The following CNTRL variants were observed in gnomAD, a reference collection of about 807,000 sequenced individuals.
CNTRL encodes the protein 110 kDa centrosomal protein.
CNTRL carries 233 observed loss-of-function variants against 303.7 expected under a neutral mutation model. That is an observed-to-expected ratio of 0.77 (90% CI 0.69 to 0.86). The LOEUF (loss-of-function observed/expected upper bound fraction) is 0.86. Ranked by LOEUF, CNTRL falls within the 40% of genes least tolerant of loss-of-function variation. The pLI, the probability that CNTRL is intolerant of heterozygous loss-of-function variation, is 0.00. For synonymous variants in CNTRL, 900 were observed against 922.2 expected, an observed-to-expected ratio of 0.98 and a Z score of 0.44; for missense variants, 2,524 against 2,650.6, an observed-to-expected ratio of 0.95 and a Z score of 1.05.
intron 5 of CNTRL, 37 bp downstream of exon 5, chr9:121,095,055 G>T: frequency 6.6e-7 from 1 of 1,524,654 alleles, no homozygotes; most frequent in Non-Finnish European, 8.9e-7. Flanking sequence ...CAGCATTGCA[G>T]ATAGCTTTGT....
Position 121,150,494 on chromosome 9 carries a change from A to C in CNTRL, c.3963+11A>C. On this transcript the variant is annotated intron_variant, in intron 25 of 43. Coordinates refer to ENST00000373855, the MANE Select transcript of CNTRL (RefSeq NM_007018.6). ...GAACACCATAACTTAGTAAGTGGAAAGACATACAACTCTCTTTCCACACTG... is the reference window on the plus strand; with the variant it reads ...GAACACCATAACTTAGTAAGTGGAACGACATACAACTCTCTTTCCACACTG... 1 of 1,612,490 alleles carries C rather than the reference A, an allele frequency of 6.2e-7. No individual in the cohort carries two copies. The highest frequency in any genetic ancestry group is 8.5e-7 in the Non-Finnish European group (1 of 1,178,592).
rs368266415 is a variant in CNTRL, at chr9:121,173,265, A to G, written c.6440A>G (p.Glu2147Gly). The change falls in exon 41 of 44, where the codon GAG becomes GGG. Residue 2147 changes from glutamate to glycine, a missense_variant. By Grantham distance (98) the Glu-to-Gly change is moderately conservative. Transcript: ENST00000373855. ...TAGATGGCAAACCAAAAAGATTTGGAGAGAAGACAAATGGAAATCAGTGAT... is the reference window on the plus strand; with the variant it reads ...TAGATGGCAAACCAAAAAGATTTGGGGAGAAGACAAATGGAAATCAGTGAT... ...KKQMANQKDL[E>G]RRQMEISDAM... is the part of the protein sequence containing the mutation. 8 of 1,610,900 alleles carry G rather than the reference A, an allele frequency of 5.0e-6. No homozygotes were observed. The highest frequency in any genetic ancestry group is 6.8e-6 in the Non-Finnish European group (8 of 1,178,348).
At chr9:121,147,750 C>T (rs984021758) in intron 23 of CNTRL, among the ~76,000 whole-genome samples, 20 of 152,176 alleles carry the variant, frequency 1.3e-4, no homozygotes, top group South Asian at 4.1e-4. Flanking sequence ...ACACTAGGTT[C>T]TCAGGGCTGT....
At chr9:121,175,274 TTG>T in intron 43 of CNTRL, 50 bp downstream of exon 43, 3 of 1,561,572 alleles carry the variant, frequency 1.9e-6, no homozygotes, top group Non-Finnish European at 2.6e-6. Context: ...AGGTTGTTTT[TTG>T]TCTTTTTTGA....
At chr9:121,078,353 A>G (rs1347865228) in intron 1 of CNTRL, among the ~76,000 whole-genome samples, 1 of 151,994 alleles carries the variant, frequency 6.6e-6, no homozygotes, top group Non-Finnish European at 1.5e-5. Flanking sequence ...GGTTATAGTG[A>G]GCCGAGATCA....
intron 11 of CNTRL, among the ~76,000 whole-genome samples, chr9:121,116,246 A>C (rs2049969344): frequency 6.6e-6 from 1 of 152,230 alleles, no homozygotes; most frequent in Non-Finnish European, 1.5e-5. Flanking sequence ...AAAGTATTCC[A>C]TGCAGAGGTG....
At chr9:121,085,783 A>G (rs1216335292) in intron 2 of CNTRL, among the ~76,000 whole-genome samples, 6 of 152,208 alleles carry the variant, frequency 3.9e-5, no homozygotes, top group Non-Finnish European at 1.5e-5. Context: ...GCAAAAACTC[A>G]TGATGTGTTC....
At position 121,169,777 on chromosome 9, in the gene CNTRL, A is replaced by G; in HGVS notation, c.6237A>G (p.Ala2079=). The change falls in exon 39 of 44, where the codon GCA becomes GCG. Residue 2079 remains alanine, a synonymous_variant. Transcript: ENST00000373855. ...AEKQVASLKE[A]LKIQRSQLEK... ...AGCAGGTGGCCAGCCTGAAGGAAGC[A>G]CTTAAGATCCAGCGGAGCCAGCTGG... 1 of 1,614,202 alleles carries G rather than the reference A, an allele frequency of 6.2e-7. No homozygotes were observed. The highest frequency in any genetic ancestry group is 8.5e-7 in the Non-Finnish European group (1 of 1,180,028).
Position 121,169,724 on chromosome 9 carries a change from T to A in CNTRL, c.6184T>A (p.Phe2062Ile), listed in dbSNP as rs531452355. The change falls in exon 39 of 44, where the codon TTC becomes ATC. Residue 2062 changes from phenylalanine (F) to isoleucine (I), a missense_variant. Coordinates refer to ENST00000373855, the MANE Select transcript of CNTRL (RefSeq NM_007018.6). ...RADFSLLRNQ[F>I]LTERKKAEKQ... ...AGACTTCAGCCTTCTGCGGAACCAG[T>A]TCTTGACAGAAAGAAAGAAAGCTGA... The A allele has an allele frequency of 1.9e-6, 3 of 1,614,030 alleles. No individual in the cohort carries two copies. Among genetic ancestry groups the A allele is most frequent in the African/African-American group, 1.3e-5 (1 of 74,898 alleles).
At chr9:121,140,816 G>A in intron 17 of CNTRL, 30 bp downstream of exon 17, 1 of 1,596,850 alleles carries the variant, frequency 6.3e-7, no homozygotes, top group South Asian at 1.1e-5. Context: ...TCCAAGTCTA[G>A]AGTGGGCCTC....
chr9:121,097,844 C>G (rs1310706941), intron 6 of CNTRL, among the ~76,000 whole-genome samples: 1 of 152,172 alleles, frequency 6.6e-6, no homozygotes, highest in Non-Finnish European at 1.5e-5. Context: ...TGCACATTCA[C>G]TTGGGAGAGA....
chr9:121,175,120 T>C lies in CNTRL; in HGVS notation c.6850T>C (p.Leu2284=), dbSNP rs1341152012. The C allele has an allele frequency of 2.5e-6, 4 of 1,613,922 alleles. No homozygotes were observed. The Admixed American group carries it at 6.7e-5, about 27-fold the overall frequency. The change falls in exon 43 of 44, where the codon TTA becomes CTA. Residue 2284 remains leucine, a synonymous_variant. Transcript: ENST00000373855. ...CAGTTTGAGGAGACAAGTAGATGCT[T>C]TAGGGGAATTGGTCACCAGCACCTC... ...LHSLRRQVDA[L]GELVTSTSAD...
intron 7 of CNTRL, among the ~76,000 whole-genome samples, chr9:121,101,670 G>A (rs1480477463): frequency 6.6e-6 from 1 of 151,892 alleles, no homozygotes; most frequent in Non-Finnish European, 1.5e-5. Context: ...TAACAAAGAA[G>A]AAAAGAGAGA....
chr9:121,152,562 A>T lies in CNTRL; in HGVS notation c.4041A>T (p.Ala1347=). 1 of 1,614,160 alleles carries T rather than the reference A, an allele frequency of 6.2e-7. No individual in the cohort carries two copies. The highest frequency in any genetic ancestry group is 8.5e-7 in the Non-Finnish European group (1 of 1,180,000). Reference sequence around the variant, plus strand: ...AGCGGGAAGAAAGGTGGATGAGAGCATCCAAGCGGCAGTCGGAGAAAGAAA... The same window carrying T: ...AGCGGGAAGAAAGGTGGATGAGAGCTTCCAAGCGGCAGTCGGAGAAAGAAA... The part of the protein sequence containing the change: ...SKKREERWMR[A]SKRQSEKEME... The change falls in exon 26 of 44, where the codon GCA becomes GCT. Residue 1347 remains alanine, a synonymous_variant. Transcript: ENST00000373855.
intron 2 of CNTRL, among the ~76,000 whole-genome samples, chr9:121,082,441 T>G (rs999497716): frequency 3.9e-5 from 6 of 152,220 alleles, no homozygotes; most frequent in African/African-American, 1.4e-4. Flanking sequence ...AGAGGCACTT[T>G]CAGGCAAAAT....
intron 32 of CNTRL, chr9:121,161,330 AT>A (rs558046888): frequency 4.7e-4 from 195 of 417,860 alleles, no homozygotes; most frequent in African/African-American, 3.6e-3. Flanking sequence ...AAAAGTTAAT[AT>A]TTAAATATCT....
intron 19 of CNTRL, among the ~76,000 whole-genome samples, chr9:121,143,602 G>A (rs967503654): frequency 2.0e-5 from 3 of 152,046 alleles, no homozygotes; most frequent in Non-Finnish European, 4.4e-5. Context: ...CTATGCCCAG[G>A]GCCTGATTCA....
At chr9:121,158,809 C>CTGTA in intron 30 of CNTRL, 46 bp from the exon 31 acceptor site, 1 of 1,562,264 alleles carries the variant, frequency 6.4e-7, no homozygotes, top group South Asian at 1.1e-5. Flanking sequence ...GCACTGAGGG[C>CTGTA]TGTATGGCCT....
intron 4 of CNTRL, among the ~76,000 whole-genome samples, chr9:121,093,482 T>C (rs186861856): frequency 6.6e-6 from 1 of 152,322 alleles, no homozygotes; most frequent in Admixed American, 6.5e-5. Flanking sequence ...ATCTGAAATC[T>C]GAAACTCTTT....
Sources: gnomAD v4.1 joint callset for allele counts (sites outside exome capture counted in the v4.1 genomes callset) on GRCh38, gnomAD v4.1.1 for gene constraint, MANE v1.5 for transcripts, NCBI Gene and HGNC (gene_info 2026-07-23, HGNC 2026-07-21) for gene names.